RAG1: variants seen among roughly 807,000 people sequenced by gnomAD.
RAG1 encodes the protein V(D)J recombination-activating protein 1.
RAG1 carries 35 observed loss-of-function variants against 62.7 expected under a neutral mutation model. That is an observed-to-expected ratio of 0.56 (90% confidence interval 0.43 to 0.74). The LOEUF (loss-of-function observed/expected upper bound fraction) is 0.74, where lower values mean the gene tolerates loss of function less well. RAG1 is among the 30% of genes least tolerant of loss of function. RAG1 has a pLI of 0.00. For synonymous variants in RAG1, 461 were observed against 470.3 expected (o/e 0.98, Z 0.26); for missense variants, 1,169 against 1,278.6 (o/e 0.91, Z 1.31).
At chr11:36,529,754 A>G (rs952944787) in intron 2 of RAG1, among the ~76,000 whole-genome samples, 1 of 151,984 alleles carries the variant, frequency 6.6e-6, no homozygotes, top group Non-Finnish European at 1.5e-5. Context: ...TTTTATCTGT[A>G]TTCAGGAAGG....
chr11:36,567,845 C>T (rs1235387737), upstream of RAG1, among the ~76,000 whole-genome samples: 1 of 152,206 alleles, frequency 6.6e-6, no homozygotes, highest in Non-Finnish European at 1.5e-5. Flanking sequence ...TGGTTCTACA[C>T]TCAGGCCCCC....
chr11:36,521,439 T>C (rs1267400490), intron 2 of RAG1, among the ~76,000 whole-genome samples: 3 of 152,232 alleles, frequency 2.0e-5, no homozygotes, highest in African/African-American at 7.2e-5. Context: ...TCTTGTCTGC[T>C]GCCATGTGAG....
intron 2 of RAG1, among the ~76,000 whole-genome samples, chr11:36,526,476 T>A (rs1054036132): frequency 2.0e-5 from 3 of 152,170 alleles, no homozygotes; most frequent in African/African-American, 7.2e-5. Flanking sequence ...TTATCCAGTC[T>A]ATCATTTATG....
At chr11:36,514,395 A>G (rs1590656967) in intron 1 of RAG1, among the ~76,000 whole-genome samples, 4 of 152,332 alleles carry the variant, frequency 2.6e-5, no homozygotes, top group East Asian at 3.9e-4. Context: ...GCAGTCCCCA[A>G]ACATTTTGGA....
chr11:36,557,992 A>T (rs1164393694), intron 3 of RAG1, among the ~76,000 whole-genome samples: 1 of 152,062 alleles, frequency 6.6e-6, no homozygotes, highest in Non-Finnish European at 1.5e-5. Context: ...GTAACACTTA[A>T]TGTTTATTAA....
Position 36,576,329 on chromosome 11 carries a change from C to T in RAG1, c.3025C>T (p.His1009Tyr), listed in dbSNP as rs376829075. 144 of 1,613,956 alleles carry T rather than the reference C, an allele frequency of 8.9e-5. No individual in the cohort carries two copies. Among genetic ancestry groups the T allele is most frequent in the Non-Finnish European group, 1.2e-4 (140 of 1,180,032 alleles). ...ATACCTCCAGAAGTTTATGAATGCT[C>T]ATAATGCATTAAAAACCTCTGGGTT... ...SKYLQKFMNA[H>Y]NALKTSGFTM... Residue 1009 changes from histidine to tyrosine, a missense_variant, in exon 2 of 2, where the codon CAT becomes TAT. His to Tyr is a moderately conservative substitution (Grantham distance 83, BLOSUM62 2). This residue lies in a region of RAG1 where 800 missense variants were observed against 943.3 expected (regional missense o/e 0.85). Transcript: ENST00000299440.
rs369014366 is a variant in RAG1 at position 36,575,467 on chromosome 11, C to T, written c.2163C>T (p.Leu721=). The change falls in exon 2 of 2, where the codon CTC becomes CTT. Residue 721 remains leucine, a synonymous_variant. Coordinates refer to ENST00000299440, the MANE Select transcript of RAG1 (RefSeq NM_000448.3). The surrounding 1 kb of genome is among the most constrained non-coding windows in gnomAD (Gnocchi z 4.1). ...AACTTGTGCGGGAAGTGGAAGGCCT[C>T]GAGGCTTCTGGCTCAGTCTACATTT... The part of the protein sequence containing the change: ...DEKLVREVEG[L]EASGSVYICT... The T allele has an allele frequency of 7.4e-6, 12 of 1,614,010 alleles. No individual in the cohort carries two copies. Among genetic ancestry groups the T allele is most frequent in the African/African-American group, 2.7e-5 (2 of 74,916 alleles).
intron 1 of RAG1, among the ~76,000 whole-genome samples, chr11:36,571,222 C>T (rs1850735737): frequency 6.6e-6 from 1 of 152,126 alleles, no homozygotes; most frequent in Non-Finnish European, 1.5e-5. Flanking sequence ...CAATATTAAA[C>T]TTGATGAGCT....
intron 2 of RAG1, among the ~76,000 whole-genome samples, chr11:36,532,107 A>G (rs1047874471): frequency 2.0e-5 from 3 of 152,018 alleles, no homozygotes; most frequent in African/African-American, 7.2e-5. Context: ...TTACTGAGAT[A>G]TACTCCCCAA....
chr11:36,511,964 T>A (rs191190399), intron 1 of RAG1, among the ~76,000 whole-genome samples: 1 of 152,226 alleles, frequency 6.6e-6, no homozygotes, highest in African/African-American at 2.4e-5. Flanking sequence ...AAAAATCTAT[T>A]GTGAGAGACT....
Position 36,576,562 on chromosome 11 carries a change from G to C in RAG1, c.*126G>C, listed in dbSNP as rs529898806. The C allele has an allele frequency of 5.2e-6, 6 of 1,153,828 alleles. No homozygotes were observed. In the South Asian group the frequency reaches 7.9e-5, roughly 15 times the overall value. The allele number at this position is 1,153,828 out of a possible 1,614,324, so 71.5% of individuals were successfully genotyped here. On this transcript the variant is annotated 3_prime_UTR_variant, in exon 2 of 2. Transcript: ENST00000299440. ...ACCATCCAAGAGGTGGTAGGTTGGA[G>C]TAAGATGCTACAGATGCTCTCAAGT...
downstream of RAG1, among the ~76,000 whole-genome samples, chr11:36,537,918 A>G (rs761548014): frequency 1.3e-5 from 2 of 151,962 alleles, no homozygotes; most frequent in African/African-American, 2.4e-5. Context: ...GCAATCTTAG[A>G]TCGTTCCTCC....
At chr11:36,530,005 C>A (rs1860228792) in intron 2 of RAG1, among the ~76,000 whole-genome samples, 1 of 151,974 alleles carries the variant, frequency 6.6e-6, no homozygotes, top group Non-Finnish European at 1.5e-5. Flanking sequence ...TCCTTAATAA[C>A]TATGCAACTA....
At chr11:36,517,874 C>T (rs1023201954) in intron 1 of RAG1, among the ~76,000 whole-genome samples, 3 of 152,126 alleles carry the variant, frequency 2.0e-5, no homozygotes, top group Non-Finnish European at 2.9e-5. Flanking sequence ...TTTTAGGGTA[C>T]ATGTGCACAA....
At chr11:36,570,274 C>T (rs1401381613) in intron 1 of RAG1, among the ~76,000 whole-genome samples, 1 of 152,110 alleles carries the variant, frequency 6.6e-6, no homozygotes, top group Admixed American at 6.5e-5. Flanking sequence ...ATACTCCTCC[C>T]AAGAATGTAT....
intron 1 of RAG1, among the ~76,000 whole-genome samples, chr11:36,515,198 G>C (rs756726401): frequency 6.6e-6 from 1 of 152,174 alleles, no homozygotes; most frequent in Non-Finnish European, 1.5e-5. Context: ...AATCTTTCTT[G>C]TGCCAGAAGC....
chr11:36,515,144 G>A (rs1269427797), intron 1 of RAG1, among the ~76,000 whole-genome samples: 1 of 152,124 alleles, frequency 6.6e-6, no homozygotes, highest in Non-Finnish European at 1.5e-5. Flanking sequence ...GAGAAGAAAC[G>A]CAACCTGGTA....
chr11:36,541,321 G>A (rs909460772), intron 3 of RAG1, among the ~76,000 whole-genome samples: 2 of 152,170 alleles, frequency 1.3e-5, no homozygotes, highest in East Asian at 1.9e-4. Flanking sequence ...ATTCTTAGAC[G>A]TCATATTCTT....
chr11:36,524,536 G>T (rs1860130378), intron 2 of RAG1, among the ~76,000 whole-genome samples: 1 of 149,870 alleles, frequency 6.7e-6, no homozygotes, highest in Non-Finnish European at 1.5e-5. Context: ...TACCCAGGCT[G>T]GGATGCAGTG....
Sources: allele counts gnomAD v4.1 joint callset (sites outside exome capture counted in the v4.1 genomes callset), GRCh38; gene constraint gnomAD v4.1.1; regional missense constraint gnomAD v4.1.1; non-coding constraint Gnocchi (gnomAD v3.1); transcripts MANE v1.5; gene names NCBI Gene and HGNC (gene_info 2026-07-23, HGNC 2026-07-21).